Variants in RAC2 observed in about 807,000 individuals in gnomAD.
RAC2 encodes Rac family small GTPase 2, also known as ras-related C3 botulinum toxin substrate 2.
Under a neutral mutation model 24.0 loss-of-function variants are expected in RAC2, and 1 was observed. That is an observed-to-expected ratio of 0.04 (90% CI 0.01 to 0.20). The LOEUF (loss-of-function observed/expected upper bound fraction) is 0.20, where lower values mean the gene tolerates loss of function less well. Ranked by LOEUF, RAC2 falls within the 10% of genes least tolerant of loss-of-function variation. The probability of loss-of-function intolerance (pLI) is 1.00; values close to 1 mark genes in which losing one functional copy is unlikely to be tolerated. For missense variants in RAC2, 130 were observed against 259.1 expected (o/e 0.50, Z 3.42); for synonymous variants, 114 against 106.8 (o/e 1.07, Z -0.41).
chr22:37,230,331 T>C (rs1927020027), intron 5 of RAC2, among the ~76,000 whole-genome samples: 1 of 152,056 alleles, frequency 6.6e-6, no homozygotes, highest in Non-Finnish European at 1.5e-5. Context: ...GGCCAAACCC[T>C]GGGCCTGCAG....
intron 2 of RAC2, chr22:37,240,722 G>A: frequency 4.8e-6 from 2 of 414,760 alleles, no homozygotes; most frequent in Non-Finnish European, 9.0e-6. Flanking sequence ...AGTCACTCTG[G>A]GGAGTGGAGA....
At chr22:37,237,171 C>T (rs995280121) in intron 2 of RAC2, among the ~76,000 whole-genome samples, 1 of 142,022 alleles carries the variant, frequency 7.0e-6, no homozygotes, top group East Asian at 2.1e-4. Flanking sequence ...CCTGGTGACA[C>T]AGCGAGACTC....
At position 37,242,449 on chromosome 22, in the gene RAC2, C is replaced by T. The variant is rs140405812; in HGVS notation, c.36-791G>A. Among the ~76,000 whole-genome samples the T allele has an allele frequency of 4.2e-3, 636 of 152,314 alleles. 4 individuals are homozygous for T. Among genetic ancestry groups the T allele is most frequent in the Admixed American group, 8.5e-3 (130 of 15,304 alleles). ...GGTACATAGGAAGGAAGTGATAACG[C>T]GCGCCTCCTCCACCCTCAGCATGCG... On this transcript the variant is annotated intron_variant, in intron 1 of 6. Transcript: ENST00000249071.
At chr22:37,236,922 G>A (rs1019353377) in intron 2 of RAC2, among the ~76,000 whole-genome samples, 10 of 152,178 alleles carry the variant, frequency 6.6e-5, no homozygotes, top group African/African-American at 2.2e-4. Flanking sequence ...TGGGCACGGT[G>A]GCTCACGCCT....
chr22:37,232,314 C>T (rs1233476743), intron 3 of RAC2: 9 of 479,996 alleles, frequency 1.9e-5, no homozygotes, highest in Non-Finnish European at 7.6e-6. Flanking sequence ...CCAACGTGCA[C>T]TCTGGTGAGG....
chr22:37,238,840 A>C (rs908841218), intron 2 of RAC2, among the ~76,000 whole-genome samples: 1 of 152,178 alleles, frequency 6.6e-6, no homozygotes, highest in African/African-American at 2.4e-5. Context: ...CTGGCAACTG[A>C]TTGGCTGCTC....
intron 5 of RAC2, among the ~76,000 whole-genome samples, chr22:37,228,174 T>C (rs1215644990): frequency 6.6e-6 from 1 of 152,186 alleles, no homozygotes; most frequent in Non-Finnish European, 1.5e-5. Flanking sequence ...AGTATGCGAC[T>C]CATCCAAACT....
At chr22:37,234,471 G>A (rs750125080) in intron 2 of RAC2, among the ~76,000 whole-genome samples, 1 of 152,122 alleles carries the variant, frequency 6.6e-6, no homozygotes, top group South Asian at 2.1e-4. Context: ...ACTGCCCCAG[G>A]CCACAGCTGT....
At chr22:37,239,755 G>A (rs1489961044) in intron 2 of RAC2, among the ~76,000 whole-genome samples, 1 of 152,224 alleles carries the variant, frequency 6.6e-6, no homozygotes, top group African/African-American at 2.4e-5. Context: ...AAGGTCTCAA[G>A]CCAGCATCCA....
rs1412216358 is a variant in RAC2 at position 37,231,252 on chromosome 22, G to A, written c.427C>T (p.Leu143=). ...KLAPITYPQG[L]ALAKEIDSVK... Reference sequence around the variant, plus strand: ...ATACCAATCTCCTTGGCCAGTGCCAGGCCCTGCGGGTAGGTGATGGGAGCC... The same window carrying A: ...ATACCAATCTCCTTGGCCAGTGCCAAGCCCTGCGGGTAGGTGATGGGAGCC... Residue 143 remains leucine (L), a synonymous_variant, in exon 5 of 7, where the codon CTG becomes TTG. Coordinates refer to ENST00000249071, the MANE Select transcript of RAC2 (RefSeq NM_002872.5). This position sits in a 1 kb window ranked among gnomAD's most constrained non-coding sequence, Gnocchi z 5.5. The A allele has an allele frequency of 3.1e-6, 5 of 1,613,548 alleles. No individual in the cohort carries two copies. The African/African-American group carries it at 6.7e-5, about 22-fold the overall frequency.
chr22:37,231,941 G>A lies in RAC2; in HGVS notation c.279C>T (p.Val93=), dbSNP rs1313504030. The change falls in exon 4 of 7, where the codon GTC becomes GTT. Residue 93 remains valine, a synonymous_variant. Transcript: ENST00000249071. This position sits in a 1 kb window ranked among gnomAD's most constrained non-coding sequence, Gnocchi z 5.5. The part of the protein sequence containing the change: ...SLVSPASYEN[V]RAKWFPEVRH... ...ACCCTGTCCAGCTCACCTTGGCGCG[G>A]ACGTTCTCATAAGAGGCTGGGCTGA... 2 of 1,551,970 alleles carry A rather than the reference G, an allele frequency of 1.3e-6. No individual in the cohort carries two copies. The highest frequency in any genetic ancestry group is 1.7e-6 in the Non-Finnish European group (2 of 1,147,292).
In RAC2 at chr22:37,241,565, CCA is replaced by C. The variant is rs1372896212; in HGVS notation, c.107+20_107+21del. ...CGGTCTCTCCCCTCCTCCCACCACCCCACATATCCCCAGGAACTCACACGGTG... is the reference window on the plus strand; with the variant it reads ...CGGTCTCTCCCCTCCTCCCACCACCCCATATCCCCAGGAACTCACACGGTG... On this transcript the variant is annotated intron_variant, in intron 2 of 6. Coordinates refer to ENST00000249071, the MANE Select transcript of RAC2 (RefSeq NM_002872.5). 6.2e-7 allele frequency: 1 copy of C among 1,604,792 alleles called. No homozygotes were observed. Among genetic ancestry groups the C allele is most frequent in the Admixed American group, 1.7e-5 (1 of 60,014 alleles).
chr22:37,241,523 G>T, intron 2 of RAC2, 64 bp downstream of exon 2: 1 of 1,517,824 alleles, frequency 6.6e-7, no homozygotes, highest in South Asian at 1.1e-5. Context: ...TGCCTGAAAG[G>T]GGGGTCGACT....
intron 2 of RAC2, among the ~76,000 whole-genome samples, chr22:37,233,410 G>A (rs1449388115): frequency 6.6e-6 from 1 of 152,108 alleles, no homozygotes; most frequent in African/African-American, 2.4e-5. Context: ...GGCCTCCCAA[G>A]TAGCTGGGAT....
chr22:37,228,466 C>T (rs1055515067), intron 5 of RAC2, among the ~76,000 whole-genome samples: 18 of 152,340 alleles, frequency 1.2e-4, no homozygotes, highest in African/African-American at 4.3e-4. Context: ...CCCCTTCTGC[C>T]GAGATGCTAT....
At chr22:37,228,647 G>A (rs913877153) in intron 5 of RAC2, among the ~76,000 whole-genome samples, 9 of 152,334 alleles carry the variant, frequency 5.9e-5, no homozygotes, top group Admixed American at 2.6e-4. Context: ...CAACAACACC[G>A]GGGTGAGTTC....
At chr22:37,241,168 T>G (rs772949111) in intron 2 of RAC2, 1 of 778,350 alleles carries the variant, frequency 1.3e-6, no homozygotes, top group African/African-American at 1.7e-5. Flanking sequence ...CTCCCAGGCC[T>G]GCAGACAGCT....
chr22:37,235,475 G>C (rs887916676), intron 2 of RAC2, among the ~76,000 whole-genome samples: 2 of 152,084 alleles, frequency 1.3e-5, no homozygotes, highest in Admixed American at 6.6e-5. Flanking sequence ...GCCATGTCGG[G>C]GCTACCACCC....
chr22:37,232,061 G>A (rs1231693773), intron 3 of RAC2, 67 bp from the exon 4 acceptor site: 16 of 1,494,190 alleles, frequency 1.1e-5, no homozygotes, highest in African/African-American at 5.6e-5. Flanking sequence ...GGCAGCCACC[G>A]AGAGGTGGAG....
Sources: gnomAD v4.1 joint callset for allele counts (sites outside exome capture counted in the v4.1 genomes callset) on GRCh38, gnomAD v4.1.1 for gene constraint, Gnocchi (gnomAD v3.1) non-coding constraint, MANE v1.5 for transcripts, NCBI Gene and HGNC (gene_info 2026-07-23, HGNC 2026-07-21) for gene names.